Variants in FHOD1 observed in about 807,000 individuals in gnomAD.
The protein encoded by FHOD1 is formin homology 2 domain containing 1.
A neutral mutation model predicts 111.6 loss-of-function variants in FHOD1; 89 were observed. That is an observed-to-expected ratio of 0.80 (90% CI 0.67 to 0.95). FHOD1 has a LOEUF of 0.95. Among genes scored for constraint, FHOD1 ranks in the 40% least tolerant of loss-of-function variants. The probability of loss-of-function intolerance (pLI) is 0.00; values close to 1 mark genes in which losing one functional copy is unlikely to be tolerated. For missense variants in FHOD1, 1,446 were observed against 1,554.2 expected (o/e 0.93, Z 1.17); for synonymous variants, 618 against 639.0 (o/e 0.97, Z 0.50).
intron 19 of FHOD1, 37 bp downstream of exon 19, chr16:67,230,277 G>T: frequency 6.2e-7 from 1 of 1,613,522 alleles, no homozygotes. Flanking sequence ...AAACCAAGGA[G>T]GTGGCAGTCA....
chr16:67,229,778 T>G lies in FHOD1; in HGVS notation c.3412+15A>C. ...GGGGTTCAGGTGGGCAGTGGGATTG[T>G]GGGGGGTTACTTACAAGACTTGCGG... On this transcript the variant is annotated intron_variant, in intron 21 of 21. Coordinates refer to ENST00000258201, the MANE Select transcript of FHOD1 (RefSeq NM_013241.3). The G allele has an allele frequency of 1.9e-6, 3 of 1,614,028 alleles. No homozygotes were observed. The highest frequency in any genetic ancestry group is 2.5e-6 in the Non-Finnish European group (3 of 1,179,962).
chr16:67,238,107 AAG>A lies in FHOD1; in HGVS notation c.567_568del (p.Phe190CysfsTer12), dbSNP rs1366216813. On this transcript the variant is annotated frameshift_variant, in exon 6 of 22. Coordinates refer to ENST00000258201, the MANE Select transcript of FHOD1 (RefSeq NM_013241.3). LOFTEE classifies it high-confidence loss of function. The surrounding 1 kb of genome is among the most constrained non-coding windows in gnomAD (Gnocchi z 4.2). ...CACCACCCCCAGCATTCCATCCACA[AAG>A]AGCATCAGCTGGCCGAGCGCTGGGG... The A allele has an allele frequency of 1.2e-6, 2 of 1,614,190 alleles. No homozygotes were observed. Among genetic ancestry groups the A allele is most frequent in the Non-Finnish European group, 1.7e-6 (2 of 1,180,012 alleles).
At chr16:67,246,940 A>G (rs2034867441) in intron 1 of FHOD1, 3 of 466,068 alleles carry the variant, frequency 6.4e-6, no homozygotes, top group African/African-American at 2.1e-5. Context: ...ACCGACGGCG[A>G]GTGGAACTCG....
In FHOD1 at chr16:67,247,473, A is replaced by C; in HGVS notation, c.-63T>G. On this transcript the variant is annotated 5_prime_UTR_variant, in exon 1 of 22. Coordinates refer to ENST00000258201, the MANE Select transcript of FHOD1 (RefSeq NM_013241.3). The stretch of plus-strand genomic sequence containing the variant: ...CCGGCCCCAGTGCAGCTTCTACTCA[A>C]AGCACACTGTAGCTCCGCGGTTCGG... 5 of 1,541,174 alleles carry C rather than the reference A, an allele frequency of 3.2e-6. No homozygotes were observed. Among genetic ancestry groups the C allele is most frequent in the Non-Finnish European group, 4.4e-6 (5 of 1,130,918 alleles).
chr16:67,239,509 T>A, intron 1 of FHOD1, 55 bp from the exon 2 acceptor site: 6 of 1,305,868 alleles, frequency 4.6e-6, no homozygotes, highest in Non-Finnish European at 6.6e-6. Context: ...GGCGAATGTA[T>A]GAAGACCCCT....
In FHOD1 at chr16:67,237,414, G is replaced by T; in HGVS notation, c.850-32C>A. 6.2e-7 allele frequency: 1 copy of T among 1,613,840 alleles called. No individual in the cohort carries two copies. Among genetic ancestry groups the T allele is most frequent in the Non-Finnish European group, 8.5e-7 (1 of 1,179,724 alleles). On this transcript the variant is annotated intron_variant, in intron 8 of 21. Coordinates refer to ENST00000258201, the MANE Select transcript of FHOD1 (RefSeq NM_013241.3). This position sits in a 1 kb window ranked among gnomAD's most constrained non-coding sequence, Gnocchi z 5.6. ...GGCGGGGATAAGAAGGCAAGGCTGA[G>T]GTTGGTGGGGAGGTCAGGAGCCTGA...
rs779811795 is a variant in FHOD1, at chr16:67,233,947, GA to G, written c.1755del (p.Pro587HisfsTer41). 129 of 1,569,954 alleles carry G rather than the reference GA, an allele frequency of 8.2e-5. No individual in the cohort carries two copies. Among genetic ancestry groups the G allele is most frequent in the African/African-American group, 1.8e-4 (13 of 73,144 alleles). ...ATGGGTGGGGGAGGTGGAAGTGGGG[GA>G]GGGGGGGGTACTCCCGAGAGCAGGG... The part of the protein sequence containing the change: ...PLPLLSGVPP[P>X]PPLPPPPPIK... On this transcript the variant is annotated frameshift_variant, in exon 13 of 22. Transcript: ENST00000258201. LOFTEE classifies it high-confidence loss of function.
At chr16:67,246,472 G>C (rs1307669279) in intron 1 of FHOD1, among the ~76,000 whole-genome samples, 1 of 152,188 alleles carries the variant, frequency 6.6e-6, no homozygotes, top group South Asian at 2.1e-4. Context: ...CTGTGCACAA[G>C]TCCGCTTCGG....
At chr16:67,240,784 C>T (rs1223751037) in intron 1 of FHOD1, among the ~76,000 whole-genome samples, 1 of 152,248 alleles carries the variant, frequency 6.6e-6, no homozygotes, top group Admixed American at 6.5e-5. Context: ...TTGCACAGTG[C>T]AGATATGCAG....
In FHOD1 at chr16:67,237,039, A is replaced by C. The variant is rs1379952925; in HGVS notation, c.1069T>G (p.Ser357Ala). The part of the protein sequence containing the change: ...AGGRRERRKP[S>A]SEEGKRSRRS... ...CGGCTCCTCTTGCCCTCCTCAGAAG[A>C]AGGCTTTCGTCGTTCCCGCCGCCCA... Residue 357 changes from serine (S) to alanine (A), a missense_variant, in exon 10 of 22, where the codon TCT (serine) becomes GCT (alanine). Ser to Ala is a moderately conservative substitution (Grantham distance 99, BLOSUM62 1). Coordinates refer to ENST00000258201, the MANE Select transcript of FHOD1 (RefSeq NM_013241.3). This position sits in a 1 kb window ranked among gnomAD's most constrained non-coding sequence, Gnocchi z 5.6. 1.2e-6 allele frequency: 2 copies of C among 1,613,082 alleles called. No homozygotes were observed. Among genetic ancestry groups the C allele is most frequent in the African/African-American group, 2.7e-5 (2 of 74,888 alleles).
intron 11 of FHOD1, 138 bp downstream of exon 11, chr16:67,236,419 A>G (rs1311507697): frequency 4.7e-6 from 7 of 1,478,702 alleles, no homozygotes; most frequent in African/African-American, 2.8e-5. Flanking sequence ...ACCAAACGGA[A>G]GCAGTTTGGT....
intron 11 of FHOD1, 152 bp from the exon 12 acceptor site, chr16:67,234,624 C>A (rs916940783): frequency 4.8e-6 from 3 of 622,856 alleles, no homozygotes; most frequent in South Asian, 1.9e-5. Context: ...ACCACACCCC[C>A]CCCAAGGCCA....
In FHOD1 at chr16:67,233,838, G is replaced by A; in HGVS notation, c.1865C>T (p.Thr622Ile). 4 of 1,612,618 alleles carry A rather than the reference G, an allele frequency of 2.5e-6. No homozygotes were observed. The highest frequency in any genetic ancestry group is 4.5e-5 in the East Asian group (2 of 44,824). Residue 622 changes from threonine (T) to isoleucine (I), a missense_variant, in exon 13 of 22, where the codon ACT (threonine) becomes ATT (isoleucine). This residue lies in a region of FHOD1 where 1,085 missense variants were observed against 1,108.8 expected (regional missense o/e 0.98). Transcript: ENST00000258201. ...GAAAAGTTTTACTGTCTTCCTCTTAGTGGGGAGGGCTGAGCTGTCAGGCAC... is the reference window on the plus strand; with the variant it reads ...GAAAAGTTTTACTGTCTTCCTCTTAATGGGGAGGGCTGAGCTGTCAGGCAC... ...HSVPDSSALP[T>I]KRKTVKLFWR...
intron 11 of FHOD1, chr16:67,234,680 A>G (rs901884558): frequency 3.9e-6 from 2 of 516,984 alleles, no homozygotes; most frequent in African/African-American, 3.8e-5. Flanking sequence ...CTACCAACCC[A>G]GCATTCCCAG....
chr16:67,237,650 C>T lies in FHOD1; in HGVS notation c.754+7G>A. 6.2e-7 allele frequency: 1 copy of T among 1,614,046 alleles called. No individual in the cohort carries two copies. The highest frequency in any genetic ancestry group is 8.5e-7 in the Non-Finnish European group (1 of 1,179,916). On this transcript the variant is annotated splice_region_variant and intron_variant, in intron 7 of 21. Transcript: ENST00000258201. This position sits in a 1 kb window ranked among gnomAD's most constrained non-coding sequence, Gnocchi z 5.6. ...AGCGGTGGGGGGAGAAAGGGACAGT[C>T]TCTGACCGGTGGTGCTGGCCACAGA...
Position 67,232,033 on chromosome 16 carries a change from CCT to C in FHOD1, c.2202+4_2202+5del. Reference sequence around the variant, plus strand: ...CCCCCCAACACCCATAGCTGGGTGACCTCACCTCAATGCCATCCTTGCTGACA... The same window carrying C: ...CCCCCCAACACCCATAGCTGGGTGACCACCTCAATGCCATCCTTGCTGACA... On this transcript the variant is annotated splice_donor_5th_base_variant and intron_variant, in intron 14 of 21. Coordinates refer to ENST00000258201, the MANE Select transcript of FHOD1 (RefSeq NM_013241.3). 1.2e-6 allele frequency: 2 copies of C among 1,614,078 alleles called. No homozygotes were observed. The highest frequency in any genetic ancestry group is 2.7e-5 in the African/African-American group (2 of 75,058).
At chr16:67,232,324 T>G (rs989303746) in intron 13 of FHOD1, 130 bp from the exon 14 acceptor site, 184 of 785,178 alleles carry the variant, frequency 2.3e-4, no homozygotes, top group Non-Finnish European at 2.5e-4. Context: ...GAGACCATCC[T>G]GGCTAACATG....
chr16:67,238,597 T>G lies in FHOD1; in HGVS notation c.374-150A>C. The G allele has an allele frequency of 1.5e-5, 12 of 802,956 alleles. 1 individual carries two copies. The South Asian group carries it at 1.9e-4, about 13-fold the overall frequency. The allele number at this position is 802,956 out of a possible 1,614,324, so 49.7% of individuals were successfully genotyped here. A position where few individuals can be genotyped will look rare whatever the true frequency, so the allele number is the denominator to read the frequency against. On this transcript the variant is annotated intron_variant, in intron 3 of 21. Transcript: ENST00000258201. This position sits in a 1 kb window ranked among gnomAD's most constrained non-coding sequence, Gnocchi z 4.2. ...TCTCACTCTGTCACTCAGGCTGGAG[T>G]GTGGAGTGCAGTGGCACAGTCATAG...
Position 67,233,984 on chromosome 16 carries a change from T to C in FHOD1, c.1719A>G (p.Ser573=). 1 of 1,605,214 alleles carries C rather than the reference T, an allele frequency of 6.2e-7. No individual in the cohort carries two copies. The highest frequency in any genetic ancestry group is 1.1e-5 in the South Asian group (1 of 90,642). The change falls in exon 13 of 22, where the codon TCA becomes TCG. Residue 573 remains serine (S), a synonymous_variant. Transcript: ENST00000258201. ...CTCCCGAGAGCAGGGGCAGTGGGGG[T>C]GAGGGAGCTGGGATGTCTTTCCCAG... is the stretch of plus-strand genomic sequence containing the variant. ...VEAGKDIPAP[S]PPLPLLSGVP... is the part of the protein sequence containing the mutation.
Sources: allele counts gnomAD v4.1 joint callset (sites outside exome capture counted in the v4.1 genomes callset), GRCh38; gene constraint gnomAD v4.1.1; regional missense constraint gnomAD v4.1.1; non-coding constraint Gnocchi (gnomAD v3.1); transcripts MANE v1.5; gene names NCBI Gene and HGNC (gene_info 2026-07-23, HGNC 2026-07-21).